The following TAB2 variants were observed in gnomAD, a reference collection of about 807,000 sequenced individuals.
TAB2 encodes the protein TGF-beta activated kinase 1 (MAP3K7) binding protein 2.
TAB2 carries 3 observed loss-of-function variants against 65.0 expected under a neutral mutation model. The observed-to-expected ratio is 0.05, with a 90% CI of 0.02 to 0.12. The LOEUF (loss-of-function observed/expected upper bound fraction) is 0.12. Ranked by LOEUF, TAB2 falls within the 10% of genes least tolerant of loss-of-function variation. TAB2 has a pLI of 1.00. For missense variants in TAB2, 623 were observed against 840.3 expected (o/e 0.74, Z 3.20); for synonymous variants, 298 against 285.1 (o/e 1.05, Z -0.46).
rs1305329058 is a variant in TAB2, at chr6:149,403,289, CACACACATATATATATATATATAT to C, written c.1939+4113_1939+4136del. The stretch of plus-strand genomic sequence containing the variant: ...ATATATATATATATATATATACACA[CACACACATATATATATATATATAT>C]ACACACACATATATATACATATATA... On this transcript the variant is annotated intron_variant, in intron 6 of 6. Coordinates refer to ENST00000637181, the MANE Select transcript of TAB2 (RefSeq NM_001292034.3). Among the ~76,000 whole-genome samples, 94 of 32,506 alleles carry C rather than the reference CACACACATATATATATATATATAT, an allele frequency of 2.9e-3. 1 individual carries two copies. Among genetic ancestry groups the C allele is most frequent in the African/African-American group, 0.011 (80 of 7,590 alleles). The allele number at this position is 32,506 out of a possible 152,430, so 21.3% of individuals were successfully genotyped here. A position where few individuals can be genotyped will look rare whatever the true frequency, so the allele number is the denominator to read the frequency against.
At chr6:149,333,708 AGTGTGTGTGTGTGTGTGTGTGT>A (rs61004397) in intron 1 of TAB2, among the ~76,000 whole-genome samples, 1 of 144,788 alleles carries the variant, frequency 6.9e-6, no homozygotes, top group Non-Finnish European at 1.5e-5. Context: ...CCAGATCCAT[AGTGTGTGTGTGTGTGTGTGTGT>A]GTGTGTGTGT....
chr6:149,350,139 C>G (rs1780442874), intron 1 of TAB2, among the ~76,000 whole-genome samples: 1 of 152,060 alleles, frequency 6.6e-6, no homozygotes, highest in Non-Finnish European at 1.5e-5. Context: ...ACCATGTTGG[C>G]TAGGCTGGTC....
chr6:149,303,632 T>C (rs923597811), intron 1 of TAB2, among the ~76,000 whole-genome samples: 5 of 152,220 alleles, frequency 3.3e-5, no homozygotes, highest in African/African-American at 1.2e-4. Flanking sequence ...AGTTCTACAA[T>C]AAATATGTAC....
At chr6:149,315,350 CTCT>C (rs1321968919), upstream of TAB2, among the ~76,000 whole-genome samples, 1 of 152,084 alleles carries the variant, frequency 6.6e-6, no homozygotes, top group Non-Finnish European at 1.5e-5. Flanking sequence ...TTGTATCAAT[CTCT>C]TCTTTCTGTA....
chr6:149,319,794 C>T (rs936100029), intron 1 of TAB2, among the ~76,000 whole-genome samples: 8 of 152,076 alleles, frequency 5.3e-5, no homozygotes, highest in Non-Finnish European at 1.0e-4. Flanking sequence ...GTTACTTTTC[C>T]TGAGTTTAAA....
At chr6:149,333,019 A>G (rs1315579188) in intron 1 of TAB2, among the ~76,000 whole-genome samples, 2 of 152,178 alleles carry the variant, frequency 1.3e-5, no homozygotes, top group East Asian at 1.9e-4. Flanking sequence ...TGCCATGTGT[A>G]TTATAATTAT....
Position 149,383,174 on chromosome 6 carries a change from A to G in TAB2, c.1603+3656A>G, listed in dbSNP as rs149520897. On this transcript the variant is annotated intron_variant, in intron 3 of 6. Coordinates refer to ENST00000637181, the MANE Select transcript of TAB2 (RefSeq NM_001292034.3). The stretch of plus-strand genomic sequence containing the variant: ...GTCTCAAAAAAATAAAGAAGAAAAA[A>G]AAAGGAAAGAAAGAACTCTAAACAA... Among the ~76,000 whole-genome samples, 510 of 152,216 alleles carry G rather than the reference A, an allele frequency of 3.4e-3. 6 individuals carry two copies. The highest frequency in any genetic ancestry group is 0.011 in the African/African-American group (472 of 41,524).
intron 1 of TAB2, among the ~76,000 whole-genome samples, chr6:149,273,035 C>T (rs1778392399): frequency 3.9e-5 from 6 of 151,990 alleles, no homozygotes; most frequent in Admixed American, 3.9e-4. Context: ...CCTCCCCGCA[C>T]CCTTCGCCCC....
At chr6:149,231,098 C>G (rs915434537) in intron 1 of TAB2, among the ~76,000 whole-genome samples, 2 of 152,202 alleles carry the variant, frequency 1.3e-5, no homozygotes, top group Non-Finnish European at 2.9e-5. Flanking sequence ...TACCTACATT[C>G]TAATCAGAGG....
intron 1 of TAB2, chr6:149,255,464 A>C (rs889710940): frequency 2.0e-5 from 3 of 152,268 alleles, no homozygotes; most frequent in Non-Finnish European, 4.4e-5. Context: ...AGAAAATAAG[A>C]CTAAAAAACT....
chr6:149,253,720 G>A (rs143964545), intron 1 of TAB2, among the ~76,000 whole-genome samples: 50 of 150,868 alleles, frequency 3.3e-4, no homozygotes, highest in Non-Finnish European at 4.7e-4. Context: ...TCAAGAGATC[G>A]AGCCCATCCT....
At chr6:149,326,483 GACATGTTA>G (rs1562416787) in intron 1 of TAB2, among the ~76,000 whole-genome samples, 1 of 151,930 alleles carries the variant, frequency 6.6e-6, no homozygotes, top group Non-Finnish European at 1.5e-5. Flanking sequence ...TTGGATAAAT[GACATGTTA>G]TCATGGCAGA....
chr6:149,311,390 C>T (rs1466337238), intron 1 of TAB2, among the ~76,000 whole-genome samples: 1 of 152,228 alleles, frequency 6.6e-6, no homozygotes, highest in Non-Finnish European at 1.5e-5. Flanking sequence ...CCTCTCGAAA[C>T]TCCCAGAGTA....
Position 149,378,194 on chromosome 6 carries a change from A to G in TAB2, c.279A>G (p.Glu93=). Residue 93 remains glutamate (E), a synonymous_variant, in exon 3 of 7, where the codon GAA becomes GAG. Coordinates refer to ENST00000637181, the MANE Select transcript of TAB2 (RefSeq NM_001292034.3). ...QSQNIYHHGR[E]GSRMNGSRTL... ...AGAACATTTACCACCATGGAAGAGAAGGAAGTAGGATGAATGGAAGTAGGA... is the reference window on the plus strand; with the variant it reads ...AGAACATTTACCACCATGGAAGAGAGGGAAGTAGGATGAATGGAAGTAGGA... The G allele has an allele frequency of 1.2e-6, 2 of 1,614,224 alleles. No homozygotes were observed. The highest frequency in any genetic ancestry group is 1.7e-6 in the Non-Finnish European group (2 of 1,180,036).
At chr6:149,306,176 C>T (rs545774808) in intron 1 of TAB2, among the ~76,000 whole-genome samples, 6 of 151,976 alleles carry the variant, frequency 3.9e-5, no homozygotes, top group East Asian at 3.9e-4. Flanking sequence ...GAGGCCAAGG[C>T]AGGAGAGTCA....
At chr6:149,388,298 C>T (rs565529800) in intron 3 of TAB2, among the ~76,000 whole-genome samples, 12 of 152,120 alleles carry the variant, frequency 7.9e-5, no homozygotes, top group African/African-American at 2.4e-5. Context: ...TCTGCCTCAA[C>T]GCATGTTACT....
chr6:149,286,997 A>C (rs558194225), intron 1 of TAB2, among the ~76,000 whole-genome samples: 2 of 152,088 alleles, frequency 1.3e-5, no homozygotes, highest in Non-Finnish European at 2.9e-5. Flanking sequence ...AGCATCTGTA[A>C]TCTCAGCTAC....
At chr6:149,356,442 G>A (rs1258321724) in intron 1 of TAB2, among the ~76,000 whole-genome samples, 1 of 152,174 alleles carries the variant, frequency 6.6e-6, no homozygotes, top group East Asian at 1.9e-4. Flanking sequence ...CTTATAAACA[G>A]CAGAAGTTTA....
upstream of TAB2, chr6:149,317,666 G>C (rs1378450118): frequency 6.2e-6 from 1 of 160,330 alleles, no homozygotes; most frequent in African/African-American, 2.4e-5. The surrounding 1 kb of genome is among the most constrained non-coding windows in gnomAD (Gnocchi z 4.7). Context: ...TGGGGAGGCC[G>C]AGCGAGCCGG....
Sources: gnomAD v4.1 joint callset for allele counts (sites outside exome capture counted in the v4.1 genomes callset) on GRCh38, gnomAD v4.1.1 for gene constraint, Gnocchi (gnomAD v3.1) non-coding constraint, MANE v1.5 for transcripts, NCBI Gene and HGNC (gene_info 2026-07-23, HGNC 2026-07-21) for gene names.